The following ISY1 variants were observed in gnomAD, a reference collection of about 807,000 sequenced individuals.
The protein encoded by ISY1 is pre-mRNA-splicing factor ISY1 homolog.
In ISY1, 12 loss-of-function variants were observed where a neutral mutation model predicts 54.4. That is an observed-to-expected ratio of 0.22 (90% confidence interval 0.14 to 0.36). The LOEUF is 0.36. Among genes scored for constraint, ISY1 ranks in the 10% least tolerant of loss-of-function variants. ISY1 has a pLI of 1.00. For missense variants in ISY1, 282 were observed against 342.2 expected (o/e 0.82, Z 1.39); for synonymous variants, 96 against 117.9 (o/e 0.81, Z 1.20).
intron 5 of ISY1, among the ~76,000 whole-genome samples, chr3:129,147,457 GCCACCA>G (rs1211236981): frequency 2.0e-5 from 3 of 152,050 alleles, no homozygotes; most frequent in African/African-American, 7.2e-5. Context: ...AAAAAGACCT[GCCACCA>G]CCATGGTGAG....
intron 1 of ISY1, among the ~76,000 whole-genome samples, chr3:129,159,421 T>C (rs1474990274): frequency 3.3e-5 from 5 of 152,176 alleles, no homozygotes; most frequent in Non-Finnish European, 5.9e-5. Context: ...TAACTTGCAT[T>C]ATTCTTCCTT....
chr3:129,148,088 A>G (rs1213600932), intron 5 of ISY1, among the ~76,000 whole-genome samples: 1 of 152,084 alleles, frequency 6.6e-6, no homozygotes, highest in Non-Finnish European at 1.5e-5. Context: ...TTGGTCTCCC[A>G]AAGTGCTGGG....
chr3:129,159,984 C>A (rs936473745), intron 1 of ISY1, among the ~76,000 whole-genome samples: 1 of 152,116 alleles, frequency 6.6e-6, no homozygotes, highest in Non-Finnish European at 1.5e-5. Flanking sequence ...AGGCAAACAC[C>A]GCAGTAATTT....
chr3:129,158,012 C>T (rs548657499), intron 3 of ISY1, among the ~76,000 whole-genome samples: 10 of 152,240 alleles, frequency 6.6e-5, no homozygotes, highest in African/African-American at 2.2e-4. Flanking sequence ...GTGCCTGCCA[C>T]CATGCCCAGC....
intron 9 of ISY1, among the ~76,000 whole-genome samples, chr3:129,133,426 T>C (rs1411045492): frequency 1.3e-5 from 2 of 152,296 alleles, no homozygotes; most frequent in East Asian, 3.9e-4. Context: ...CTGGGAGCAA[T>C]GGTTCACACC....
In ISY1 at chr3:129,128,541, G is replaced by C. The variant is rs1032688276; in HGVS notation, c.*1540C>G. ...CACTAGCTCCCGACTCCCTCACTCA[G>C]ACCTTTTCCACAGTCCTTGTGGCCC... On this transcript the variant is annotated 3_prime_UTR_variant, in exon 11 of 11. Coordinates refer to ENST00000393295, the MANE Select transcript of ISY1 (RefSeq NM_020701.4). The C allele has an allele frequency of 1.3e-5, 2 of 152,688 alleles. No individual in the cohort carries two copies. The highest frequency in any genetic ancestry group is 4.8e-5 in the African/African-American group (2 of 41,458). The allele number at this position is 152,688 out of a possible 1,614,324, so 9.5% of individuals were successfully genotyped here. A position where few individuals can be genotyped will look rare whatever the true frequency, so the allele number is the denominator to read the frequency against.
chr3:129,128,368 C>G lies in ISY1; in HGVS notation c.*1713G>C, dbSNP rs1156229704. On this transcript the variant is annotated 3_prime_UTR_variant, in exon 11 of 11. Coordinates refer to ENST00000393295, the MANE Select transcript of ISY1 (RefSeq NM_020701.4). ...AGCCAGGAGGCAGGGGGGCCCCTTC[C>G]CCATCCTCACCTACACCCTGGCTAC... 1 of 152,146 alleles carries G rather than the reference C, an allele frequency of 6.6e-6. No homozygotes were observed. Among genetic ancestry groups the G allele is most frequent in the Non-Finnish European group, 1.5e-5 (1 of 68,100 alleles). The allele number at this position is 152,146 out of a possible 1,614,324, so 9.4% of individuals were successfully genotyped here. A position where few individuals can be genotyped will look rare whatever the true frequency, so the allele number is the denominator to read the frequency against.
At chr3:129,159,888 C>A (rs1429072990) in intron 1 of ISY1, among the ~76,000 whole-genome samples, 1 of 152,208 alleles carries the variant, frequency 6.6e-6, no homozygotes, top group African/African-American at 2.4e-5. Flanking sequence ...TATAGACACT[C>A]AGCAAAATCG....
intron 9 of ISY1, among the ~76,000 whole-genome samples, chr3:129,130,933 T>A (rs1273038631): frequency 6.6e-6 from 1 of 152,248 alleles, no homozygotes; most frequent in African/African-American, 2.4e-5. Flanking sequence ...ATCTTTATAT[T>A]CTTTTTCACT....
intron 5 of ISY1, among the ~76,000 whole-genome samples, chr3:129,148,940 C>T (rs961189513): frequency 3.3e-5 from 5 of 152,250 alleles, no homozygotes; most frequent in African/African-American, 1.2e-4. Flanking sequence ...ATTTTCTAAT[C>T]GATGAATTTT....
At chr3:129,156,259 C>T (rs916298190) in intron 5 of ISY1, among the ~76,000 whole-genome samples, 3 of 151,702 alleles carry the variant, frequency 2.0e-5, no homozygotes, top group East Asian at 2.0e-4. Context: ...ATTAGCCGGG[C>T]GTGGTTGTGG....
intron 6 of ISY1, among the ~76,000 whole-genome samples, chr3:129,140,928 G>C (rs1936587328): frequency 6.6e-6 from 1 of 151,680 alleles, no homozygotes; most frequent in Non-Finnish European, 1.5e-5. Context: ...ATAATAGCTG[G>C]ATGCAGTGGC....
Position 129,136,661 on chromosome 3 carries a change from G to C in ISY1, c.419-1707C>G, listed in dbSNP as rs915831320. Among the ~76,000 whole-genome samples, 7 of 149,552 alleles carry C rather than the reference G, an allele frequency of 4.7e-5. No homozygotes were observed. In the Admixed American group the frequency reaches 4.7e-4, roughly 10 times the overall value. On this transcript the variant is annotated intron_variant, in intron 7 of 10. Coordinates refer to ENST00000393295, the MANE Select transcript of ISY1 (RefSeq NM_020701.4). ...TGGAATTACAGGCACGCACCACCAC[G>C]CCCGGCTAATTTTGTATTTTCTTCT...
At chr3:129,135,601 T>G (rs1936371432) in intron 7 of ISY1, among the ~76,000 whole-genome samples, 1 of 151,524 alleles carries the variant, frequency 6.6e-6, no homozygotes, top group Admixed American at 6.6e-5. Flanking sequence ...CCATCTCTAC[T>G]AAAAATACAA....
At chr3:129,158,445 C>A (rs1937210017) in intron 3 of ISY1, 63 bp downstream of exon 3, 3 of 1,604,870 alleles carry the variant, frequency 1.9e-6, no homozygotes, top group Non-Finnish European at 2.5e-6. Flanking sequence ...AGGCATGAGC[C>A]ACTGCACCCA....
chr3:129,140,249 T>C, intron 7 of ISY1, 119 bp downstream of exon 7: 1 of 849,800 alleles, frequency 1.2e-6, no homozygotes, highest in Non-Finnish European at 1.8e-6. Flanking sequence ...GAACAATAAT[T>C]CCTACACTAT....
In ISY1 at chr3:129,129,140, C is replaced by A; in HGVS notation, c.*941G>T. On this transcript the variant is annotated 3_prime_UTR_variant, in exon 11 of 11. Transcript: ENST00000393295. ...TGGTCACATCCTAATGCCACTGTCACCTCAGAGCCGTTGGCCCAGGGAACA... is the reference window on the plus strand; with the variant it reads ...TGGTCACATCCTAATGCCACTGTCAACTCAGAGCCGTTGGCCCAGGGAACA... 6.6e-6 allele frequency: 1 copy of A among 152,212 alleles called. No homozygotes were observed. 9.4% of individuals were successfully genotyped at this position (152,212 alleles called of 1,614,324 possible).
intron 6 of ISY1, among the ~76,000 whole-genome samples, chr3:129,141,793 A>G (rs1936624866): frequency 6.6e-6 from 1 of 151,892 alleles, no homozygotes; most frequent in Non-Finnish European, 1.5e-5. Flanking sequence ...AAATAAATAA[A>G]TAAAGATAAA....
intron 1 of ISY1, 51 bp downstream of exon 1, chr3:129,160,922 C>CGGGGGGGGGGGGGGGGGGGG: frequency 1.7e-6 from 1 of 586,762 alleles, no homozygotes; most frequent in Non-Finnish European, 3.2e-6. Context: ...CTGGGCGCCC[C>CGGGGGGGGGGGGGGGGGGGG]CCCGCCCGCC....
Sources: allele counts gnomAD v4.1 joint callset (sites outside exome capture counted in the v4.1 genomes callset), GRCh38; gene constraint gnomAD v4.1.1; transcripts MANE v1.5; gene names NCBI Gene and HGNC (gene_info 2026-07-23, HGNC 2026-07-21).